RETREG1: variants seen among roughly 807,000 people sequenced by gnomAD.
The protein encoded by RETREG1 is family with sequence similarity 134 member B.
A neutral mutation model predicts 54.8 loss-of-function variants in RETREG1; 44 were observed. That is an observed-to-expected ratio of 0.80 (90% CI 0.63 to 1.03). The LOEUF (loss-of-function observed/expected upper bound fraction) is 1.03. RETREG1 is among the 50% of genes least tolerant of loss of function. The pLI is 0.00. For synonymous variants in RETREG1, 217 were observed against 238.5 expected (o/e 0.91, Z 0.83); for missense variants, 554 against 605.1 (o/e 0.92, Z 0.89).
intron 3 of RETREG1, among the ~76,000 whole-genome samples, chr5:16,547,663 C>T (rs1741425129): frequency 6.6e-6 from 1 of 152,156 alleles, no homozygotes; most frequent in African/African-American, 2.4e-5. Flanking sequence ...TGAGGCCCTT[C>T]TATAAATATA....
intron 3 of RETREG1, among the ~76,000 whole-genome samples, chr5:16,518,359 G>A (rs1337936038): frequency 6.6e-6 from 1 of 150,728 alleles, no homozygotes; most frequent in Non-Finnish European, 1.5e-5. Context: ...GACAAGGCGA[G>A]GAGGAGGAGG....
At chr5:16,497,944 A>G (rs907035368) in intron 3 of RETREG1, among the ~76,000 whole-genome samples, 1 of 152,200 alleles carries the variant, frequency 6.6e-6, no homozygotes, top group African/African-American at 2.4e-5. Context: ...CTCCTTTATC[A>G]TCAGTGCCAA....
At chr5:16,546,584 G>C (rs1741394643) in intron 3 of RETREG1, among the ~76,000 whole-genome samples, 1 of 152,202 alleles carries the variant, frequency 6.6e-6, no homozygotes, top group African/African-American at 2.4e-5. Flanking sequence ...GCTTATAACA[G>C]GTGGTTAGAA....
chr5:16,487,165 A>C (rs547358461), intron 3 of RETREG1, among the ~76,000 whole-genome samples: 1 of 152,216 alleles, frequency 6.6e-6, no homozygotes, highest in African/African-American at 2.4e-5. Context: ...TTGAGTTTGT[A>C]CTAAGTTCCT....
At chr5:16,567,034 GT>G (rs1466772945) in intron 2 of RETREG1, among the ~76,000 whole-genome samples, 1 of 152,206 alleles carries the variant, frequency 6.6e-6, no homozygotes, top group Non-Finnish European at 1.5e-5. Context: ...TGGCTTGTTT[GT>G]TTTATTATTA....
At chr5:16,575,227 G>A (rs1227471883) in intron 1 of RETREG1, among the ~76,000 whole-genome samples, 2 of 151,926 alleles carry the variant, frequency 1.3e-5, no homozygotes, top group Admixed American at 6.6e-5. Context: ...ATTCTATTAC[G>A]CGTTTAAATG....
intron 3 of RETREG1, among the ~76,000 whole-genome samples, chr5:16,504,023 G>A (rs1739840128): frequency 6.6e-6 from 1 of 152,152 alleles, no homozygotes. Context: ...AGCCCAGCAT[G>A]CATTAGTTAT....
chr5:16,511,468 TCAACTTAGGATGGGTTTCTCAGGCTA>T (rs1740172110), intron 3 of RETREG1, among the ~76,000 whole-genome samples: 1 of 152,144 alleles, frequency 6.6e-6, no homozygotes, highest in African/African-American at 2.4e-5. Flanking sequence ...TACAATATTT[TCAACTTAGGATGGGTTTCTCAGGCTA>T]TAACCCCACA....
At chr5:16,562,108 G>T (rs1741870374) in intron 3 of RETREG1, among the ~76,000 whole-genome samples, 1 of 152,148 alleles carries the variant, frequency 6.6e-6, no homozygotes, top group Admixed American at 6.5e-5. Context: ...CTGAGGTCGG[G>T]AGTTCGAGAT....
chr5:16,477,778 G>T lies in RETREG1; in HGVS notation c.884C>A (p.Thr295Lys). Reference sequence around the variant, plus strand: ...CACAGATAACTCTTTGGCAGCAACCGTGAGGCTAATCTGTGTTAATATAAA... The same window carrying T: ...CACAGATAACTCTTTGGCAGCAACCTTGAGGCTAATCTGTGTTAATATAAA... The part of the protein sequence containing the change: ...FSALCPKISL[T>K]VAAKELSVSD... Residue 295 changes from threonine (T) to lysine (K), a missense_variant, in exon 8 of 9, where the codon ACG becomes AAG. By Grantham distance (78) the Thr-to-Lys change is moderately conservative (BLOSUM62 -1). Transcript: ENST00000306320. 1 of 1,613,350 alleles carries T rather than the reference G, an allele frequency of 6.2e-7. No homozygotes were observed. Among genetic ancestry groups the T allele is most frequent in the Admixed American group, 1.7e-5 (1 of 59,902 alleles).
intron 3 of RETREG1, among the ~76,000 whole-genome samples, chr5:16,515,242 A>C (rs907628280): frequency 1.3e-5 from 2 of 152,086 alleles, no homozygotes; most frequent in Admixed American, 1.3e-4. Context: ...GGGTTCCTGG[A>C]ACCTGGAAGC....
intron 3 of RETREG1, among the ~76,000 whole-genome samples, chr5:16,513,009 C>G (rs955229439): frequency 6.6e-6 from 1 of 151,998 alleles, no homozygotes; most frequent in Admixed American, 6.6e-5. Context: ...TGAGTTCTCT[C>G]TTGGATTCTG....
At chr5:16,566,170 T>G (rs1742007166) in intron 2 of RETREG1, among the ~76,000 whole-genome samples, 1 of 152,154 alleles carries the variant, frequency 6.6e-6, no homozygotes, top group African/African-American at 2.4e-5. Context: ...ACACACCATG[T>G]GAGTTCAGGG....
At chr5:16,487,982 G>T (rs1274151437) in intron 3 of RETREG1, among the ~76,000 whole-genome samples, 1 of 152,228 alleles carries the variant, frequency 6.6e-6, no homozygotes, top group Admixed American at 6.5e-5. Flanking sequence ...GAGACACCCA[G>T]GGCACTGTTT....
intron 4 of RETREG1, among the ~76,000 whole-genome samples, chr5:16,482,515 A>T (rs1738822493): frequency 6.6e-6 from 1 of 152,032 alleles, no homozygotes; most frequent in African/African-American, 2.4e-5. Flanking sequence ...CCACTTTAAT[A>T]CACTCAAAAT....
intron 3 of RETREG1, among the ~76,000 whole-genome samples, chr5:16,529,748 C>T (rs942464607): frequency 1.3e-5 from 2 of 152,054 alleles, no homozygotes; most frequent in Non-Finnish European, 2.9e-5. Flanking sequence ...TGCACCAGTG[C>T]GTGTTTTTCA....
chr5:16,520,351 C>A (rs1740494685), intron 3 of RETREG1, among the ~76,000 whole-genome samples: 1 of 151,682 alleles, frequency 6.6e-6, no homozygotes, highest in Non-Finnish European at 1.5e-5. Flanking sequence ...TTTTTTGAGA[C>A]AGAGTCTTGC....
chr5:16,550,934 C>T (rs1741517899), intron 3 of RETREG1, among the ~76,000 whole-genome samples: 1 of 152,050 alleles, frequency 6.6e-6, no homozygotes, highest in South Asian at 2.1e-4. Context: ...TTGTCAGGAG[C>T]CGCAGGGAGG....
At chr5:16,492,701 T>C (rs1739297751) in intron 3 of RETREG1, among the ~76,000 whole-genome samples, 1 of 152,196 alleles carries the variant, frequency 6.6e-6, no homozygotes, top group South Asian at 2.1e-4. Flanking sequence ...CATTTCTTAG[T>C]GTAATGTGTT....
Sources: gnomAD v4.1 joint callset for allele counts (sites outside exome capture counted in the v4.1 genomes callset) on GRCh38, gnomAD v4.1.1 for gene constraint, MANE v1.5 for transcripts, NCBI Gene and HGNC (gene_info 2026-07-23, HGNC 2026-07-21) for gene names.